Variants in CEP350 observed in about 807,000 individuals in gnomAD.
The protein encoded by CEP350 is centrosomal protein 350.
In CEP350, 126 loss-of-function variants were observed where a neutral mutation model predicts 331.8. The observed-to-expected ratio is 0.38, with a 90% CI of 0.33 to 0.44. The LOEUF (loss-of-function observed/expected upper bound fraction) is 0.44, where lower values mean the gene tolerates loss of function less well. Among genes scored for constraint, CEP350 ranks in the 20% least tolerant of loss-of-function variants. CEP350 has a pLI of 1.00. For missense variants in CEP350, 3,406 were observed against 3,634.6 expected (o/e 0.94, Z 1.62); for synonymous variants, 1,200 against 1,259.5 (o/e 0.95, Z 1.00).
At chr1:180,097,608 T>A (rs1386816047) in intron 36 of CEP350, among the ~76,000 whole-genome samples, 2 of 152,202 alleles carry the variant, frequency 1.3e-5, no homozygotes, top group African/African-American at 2.4e-5. Flanking sequence ...AACATTAAGT[T>A]GAGGTAAGAC....
intron 30 of CEP350, among the ~76,000 whole-genome samples, chr1:180,082,970 A>G (rs1659666083): frequency 6.6e-6 from 1 of 152,198 alleles, no homozygotes; most frequent in Non-Finnish European, 1.5e-5. Context: ...GTCTTAACTC[A>G]GTGTCATAGA....
In CEP350 at chr1:180,092,778, A is replaced by G; in HGVS notation, c.6673A>G (p.Asn2225Asp). 1.3e-6 allele frequency: 2 copies of G among 1,583,866 alleles called. No individual in the cohort carries two copies. The highest frequency in any genetic ancestry group is 4.6e-5 in the East Asian group (2 of 43,954). ...AGAAGAATCTGGAGATTCTCTAGAA[A>G]ATGTACCTGCATTACATCTTCTCAA... ...IREESGDSLENVPALHLLKEL... is the reference protein window; with the variant it reads ...IREESGDSLEDVPALHLLKEL... Residue 2225 changes from asparagine to aspartate, a missense_variant, in exon 34 of 38, where the codon AAT (asparagine) becomes GAT (aspartate). Coordinates refer to ENST00000367607, the MANE Select transcript of CEP350 (RefSeq NM_014810.5).
chr1:179,967,773 T>A (rs1651126346), intron 1 of CEP350, among the ~76,000 whole-genome samples: 1 of 152,238 alleles, frequency 6.6e-6, no homozygotes, highest in South Asian at 2.1e-4. Flanking sequence ...TATGAAAGAA[T>A]TTATTTTTAA....
intron 8 of CEP350, among the ~76,000 whole-genome samples, chr1:180,007,680 G>A (rs1018113323): frequency 2.8e-4 from 42 of 151,874 alleles, no homozygotes; most frequent in Non-Finnish European, 4.4e-4. Flanking sequence ...GTCTTTGCCC[G>A]TGCCTATGTC....
chr1:180,068,638 A>C lies in CEP350; in HGVS notation c.5567+3366A>C, dbSNP rs12087832. ...AAAGAATGGAGTTTTCTTCATCTTTAAGTGTTTCATTACTTAAAATAGGAC... is the reference window on the plus strand; with the variant it reads ...AAAGAATGGAGTTTTCTTCATCTTTCAGTGTTTCATTACTTAAAATAGGAC... On this transcript the variant is annotated intron_variant, in intron 27 of 37. Transcript: ENST00000367607. 5.4e-3 allele frequency among the ~76,000 whole-genome samples: 815 copies of C among 152,250 alleles called. 7 individuals carry two copies. The highest frequency in any genetic ancestry group is 0.018 in the African/African-American group (762 of 41,558).
chr1:180,044,299 T>C, intron 21 of CEP350, 126 bp downstream of exon 21: 1 of 953,332 alleles, frequency 1.0e-6, no homozygotes, highest in Non-Finnish European at 1.4e-6. Flanking sequence ...TTCAAAGTGC[T>C]GGCTTCCCTA....
chr1:180,000,444 T>A (rs1412329174), intron 6 of CEP350: 1 of 153,830 alleles, frequency 6.5e-6, no homozygotes, highest in African/African-American at 2.4e-5. Context: ...GTTTTTAGCC[T>A]TTGCAGTCCC....
Position 180,090,718 on chromosome 1 carries a change from G to A in CEP350, c.6430G>A (p.Glu2144Lys). 1 of 1,549,104 alleles carries A rather than the reference G, an allele frequency of 6.5e-7. No individual in the cohort carries two copies. The highest frequency in any genetic ancestry group is 1.2e-5 in the South Asian group (1 of 83,262). Residue 2144 changes from glutamate to lysine, a missense_variant, in exon 33 of 38, where the codon GAA becomes AAA. By Grantham distance (56) the Glu-to-Lys change is moderately conservative. Around this residue, in one of 5 missense-constraint regions of CEP350, gnomAD observed 1,415 missense variants for 1,512.3 expected, o/e 0.94. Coordinates refer to ENST00000367607, the MANE Select transcript of CEP350 (RefSeq NM_014810.5). Reference protein sequence around the residue: ...IKPLTPLHRSETAKNWKSLTE... With the variant: ...IKPLTPLHRSKTAKNWKSLTE... ...TCATTAATTTTTACACGTCAGATCTGAAACGGCAAAGAATTGGAAATCACT... is the reference window on the plus strand; with the variant it reads ...TCATTAATTTTTACACGTCAGATCTAAAACGGCAAAGAATTGGAAATCACT...
At chr1:180,074,526 TA>T (rs548858348) in intron 27 of CEP350, among the ~76,000 whole-genome samples, 112 of 152,322 alleles carry the variant, frequency 7.4e-4, no homozygotes, top group African/African-American at 2.6e-3. Context: ...GGCAGAAATT[TA>T]AAATAAAAGT....
chr1:180,036,728 C>T (rs1477229114), intron 16 of CEP350, among the ~76,000 whole-genome samples, 198 bp from the exon 17 acceptor site: 1 of 152,112 alleles, frequency 6.6e-6, no homozygotes, highest in Non-Finnish European at 1.5e-5. Context: ...ATTTGTGTGA[C>T]TTGCTTTATT....
chr1:180,065,529 C>T (rs929612881), intron 27 of CEP350, among the ~76,000 whole-genome samples: 1 of 152,012 alleles, frequency 6.6e-6, no homozygotes, highest in African/African-American at 2.4e-5. Context: ...CACCTATAAT[C>T]CCAGCACTTT....
chr1:180,034,964 A>G (rs1215308910), intron 16 of CEP350, among the ~76,000 whole-genome samples: 1 of 152,244 alleles, frequency 6.6e-6, no homozygotes, highest in Non-Finnish European at 1.5e-5. Flanking sequence ...ATATGCCAAA[A>G]GCTAGGCCTC....
chr1:180,050,673 CAAAAAAAAAAA>C (rs4058356), intron 22 of CEP350, among the ~76,000 whole-genome samples: 1 of 84,040 alleles, frequency 1.2e-5, no homozygotes, highest in Non-Finnish European at 2.6e-5. Flanking sequence ...CCAAAAAAAC[CAAAAAAAAAAA>C]AAAAAACAAA....
At chr1:180,072,821 A>T (rs1209890262) in intron 27 of CEP350, among the ~76,000 whole-genome samples, 1 of 152,192 alleles carries the variant, frequency 6.6e-6, no homozygotes, top group Non-Finnish European at 1.5e-5. Flanking sequence ...CTTCTATGAC[A>T]TACTGATATT....
intron 10 of CEP350, among the ~76,000 whole-genome samples, chr1:180,015,210 GTTTATTTATTTATTTATTTA>G (rs112553202): frequency 2.1e-5 from 3 of 143,480 alleles, no homozygotes; most frequent in African/African-American, 7.9e-5. Flanking sequence ...CTAGGAAATT[GTTTATTTATTTATTTATTTA>G]TTTATTTATT....
chr1:180,003,295 T>A lies in CEP350; in HGVS notation c.1132+8T>A. 1 of 1,537,690 alleles carries A rather than the reference T, an allele frequency of 6.5e-7. No individual in the cohort carries two copies. The highest frequency in any genetic ancestry group is 8.9e-7 in the Non-Finnish European group (1 of 1,120,986). ...TAGCACTTCACTTTGCAGGTGAGAA[T>A]AGAGCTTTCTTATGTTTTGAGTATT... On this transcript the variant is annotated splice_region_variant and intron_variant, in intron 7 of 37. Transcript: ENST00000367607.
chr1:180,023,108 GA>G (rs1289989418), intron 13 of CEP350, among the ~76,000 whole-genome samples: 5 of 151,992 alleles, frequency 3.3e-5, no homozygotes, highest in Non-Finnish European at 2.9e-5. Flanking sequence ...GTAAAATGGG[GA>G]CATTAATAGT....
At chr1:180,095,147 A>C (rs907985379) in intron 34 of CEP350, 45 of 182,960 alleles carry the variant, frequency 2.5e-4, no homozygotes, top group African/African-American at 1.1e-3. Context: ...GCCCATGGAC[A>C]GTTGAGCAAA....
At chr1:180,002,553 C>G (rs899936540) in intron 6 of CEP350, among the ~76,000 whole-genome samples, 2 of 151,938 alleles carry the variant, frequency 1.3e-5, no homozygotes, top group Non-Finnish European at 2.9e-5. Context: ...TTGGTAGTTC[C>G]TCAATAAGTT....
Sources: allele counts gnomAD v4.1 joint callset (sites outside exome capture counted in the v4.1 genomes callset), GRCh38; gene constraint gnomAD v4.1.1; regional missense constraint gnomAD v4.1.1; transcripts MANE v1.5; gene names NCBI Gene and HGNC (gene_info 2026-07-23, HGNC 2026-07-21).